The following PDCD6IP variants were observed in gnomAD, a reference collection of about 807,000 sequenced individuals.
PDCD6IP encodes the protein programmed cell death 6-interacting protein.
Under a neutral mutation model 103.7 loss-of-function variants are expected in PDCD6IP, and 43 were observed. That is an observed-to-expected ratio of 0.41 (90% CI 0.32 to 0.53). The LOEUF is 0.53. Among genes scored for constraint, PDCD6IP ranks in the 20% least tolerant of loss-of-function variants. PDCD6IP has a pLI of 0.16. For missense variants in PDCD6IP, 871 were observed against 1,036.7 expected (o/e 0.84, Z 2.20); for synonymous variants, 354 against 378.7 (o/e 0.93, Z 0.76).
intron 7 of PDCD6IP, among the ~76,000 whole-genome samples, chr3:33,830,423 C>G (rs144940786): frequency 1.3e-5 from 2 of 152,216 alleles, no homozygotes; most frequent in African/African-American, 2.4e-5. Context: ...ATAAATCAGT[C>G]AGAGAAAGAA....
chr3:33,831,722 T>C (rs893094029), intron 7 of PDCD6IP, among the ~76,000 whole-genome samples: 68 of 152,036 alleles, frequency 4.5e-4, no homozygotes, highest in Admixed American at 6.6e-4. Flanking sequence ...ATTTCTTGTT[T>C]TTTTTCTTTC....
intron 1 of PDCD6IP, chr3:33,799,206 C>T (rs1051710093): frequency 1.9e-5 from 8 of 430,348 alleles, no homozygotes; most frequent in Admixed American, 1.5e-4. Context: ...GAGCAGCAGT[C>T]TGCCCTGTAC....
chr3:33,822,350 A>G (rs1372588395), intron 4 of PDCD6IP, among the ~76,000 whole-genome samples: 1 of 152,232 alleles, frequency 6.6e-6, no homozygotes, highest in Non-Finnish European at 1.5e-5. Context: ...TGAAGAAATT[A>G]TGAAATGTCT....
chr3:33,866,181 G>A (rs936434496), intron 17 of PDCD6IP, among the ~76,000 whole-genome samples, 170 bp from the exon 18 acceptor site: 1 of 151,982 alleles, frequency 6.6e-6, no homozygotes, highest in Admixed American at 6.6e-5. Context: ...AACAGGATAG[G>A]AATGCTTTTC....
intron 12 of PDCD6IP, 58 bp downstream of exon 12, chr3:33,845,646 A>G: frequency 7.6e-7 from 1 of 1,310,064 alleles, no homozygotes; most frequent in Non-Finnish European, 1.1e-6. Flanking sequence ...CATTCAAGCC[A>G]TTTTATATAA....
chr3:33,834,135 A>G (rs750242559), intron 7 of PDCD6IP, among the ~76,000 whole-genome samples: 1 of 151,580 alleles, frequency 6.6e-6, no homozygotes, highest in Non-Finnish European at 1.5e-5. Context: ...TTTTTAGTTA[A>G]TCTGTCTACT....
intron 12 of PDCD6IP, 49 bp from the exon 13 acceptor site, chr3:33,852,437 CTT>C (rs59048229): frequency 0.011 from 10,811 of 1,027,916 alleles, 1 homozygote; most frequent in Middle Eastern, 0.015. Flanking sequence ...TCGAAATTGG[CTT>C]TTTTTTTTTT....
intron 1 of PDCD6IP, among the ~76,000 whole-genome samples, chr3:33,807,983 T>C (rs1696634609): frequency 6.6e-6 from 1 of 152,252 alleles, no homozygotes; most frequent in African/African-American, 2.4e-5. Context: ...TCTTATGGGC[T>C]TGTTCTTTGA....
intron 9 of PDCD6IP, 24 bp downstream of exon 9, chr3:33,838,351 C>G (rs755236315): frequency 6.3e-7 from 1 of 1,583,198 alleles, no homozygotes; most frequent in Non-Finnish European, 8.6e-7. Context: ...AATTTTAGAG[C>G]CTAAAGTTTT....
At chr3:33,831,258 T>G (rs905078011) in intron 7 of PDCD6IP, among the ~76,000 whole-genome samples, 2 of 151,194 alleles carry the variant, frequency 1.3e-5, no homozygotes, top group East Asian at 2.0e-4. Flanking sequence ...CACACAGATA[T>G]AAAAACATGA....
rs375157355 is a variant in PDCD6IP at position 33,842,041 on chromosome 3, A to G, written c.1326A>G (p.Glu442=). ...ATCAGTTGATTAAAGAACTGCCTGA[A>G]TTACTGCAACGAAATAGAGAAATCC... ...TVDQLIKELP[E]LLQRNREILD... is the part of the protein sequence containing the mutation. Residue 442 remains glutamate (E), a synonymous_variant, in exon 10 of 18, where the codon GAA becomes GAG. Coordinates refer to ENST00000307296, the MANE Select transcript of PDCD6IP (RefSeq NM_013374.6). 1.3e-5 allele frequency: 21 copies of G among 1,613,080 alleles called. No individual in the cohort carries two copies. Among genetic ancestry groups the G allele is most frequent in the Non-Finnish European group, 1.8e-5 (21 of 1,179,436 alleles).
intron 8 of PDCD6IP, 138 bp downstream of exon 8, chr3:33,836,404 T>G: frequency 3.3e-6 from 2 of 606,436 alleles, no homozygotes; most frequent in Non-Finnish European, 6.0e-6. Context: ...AATATGAGAA[T>G]AAATATTGTG....
chr3:33,842,939 TA>T (rs1470554432), intron 10 of PDCD6IP, among the ~76,000 whole-genome samples: 2 of 152,232 alleles, frequency 1.3e-5, no homozygotes, highest in Non-Finnish European at 2.9e-5. Context: ...GATCTGGGTT[TA>T]AGGTGAATTC....
intron 15 of PDCD6IP, among the ~76,000 whole-genome samples, chr3:33,858,128 C>T (rs1575944743): frequency 6.6e-6 from 1 of 152,188 alleles, no homozygotes; most frequent in African/African-American, 2.4e-5. Context: ...CAGTGGCTTT[C>T]ATGTAAATAA....
In PDCD6IP at chr3:33,842,084, A is replaced by G. The variant is rs1309577550; in HGVS notation, c.1359+10A>G. 4.4e-6 allele frequency: 7 copies of G among 1,586,616 alleles called. No individual in the cohort carries two copies. The highest frequency in any genetic ancestry group is 2.2e-5 in the East Asian group (1 of 44,714). On this transcript the variant is annotated intron_variant, in intron 10 of 17. Coordinates refer to ENST00000307296, the MANE Select transcript of PDCD6IP (RefSeq NM_013374.6). ...AGAAATCCTAGATGAGGTATGTTTTATAAGATTTGCTTTTCAAGTATAAAC... is the reference window on the plus strand; with the variant it reads ...AGAAATCCTAGATGAGGTATGTTTTGTAAGATTTGCTTTTCAAGTATAAAC...
Position 33,798,663 on chromosome 3 carries a change from T to G in PDCD6IP, c.-66T>G. ...CGCCAGTCCGCCAGCCCAGTACCTC[T>G]CTCTCCTCGGCCCTCGTAAGCTGTC... On this transcript the variant is annotated 5_prime_UTR_variant, in exon 1 of 18. Transcript: ENST00000307296. 7.2e-7 allele frequency: 1 copy of G among 1,394,850 alleles called. No homozygotes were observed. Among genetic ancestry groups the G allele is most frequent in the South Asian group, 1.4e-5 (1 of 71,060 alleles). The allele number at this position is 1,394,850 out of a possible 1,614,324, so 86.4% of individuals were successfully genotyped here.
intron 17 of PDCD6IP, 127 bp from the exon 18 acceptor site, chr3:33,866,224 T>G: frequency 1.8e-6 from 1 of 548,486 alleles, no homozygotes; most frequent in East Asian, 3.3e-5. Context: ...TTTTTTTCAC[T>G]CCACTGTTCT....
intron 6 of PDCD6IP, chr3:33,827,823 G>A (rs1186894318): frequency 6.6e-6 from 1 of 152,118 alleles, no homozygotes; most frequent in Non-Finnish European, 1.5e-5. Context: ...TTGAAATTTA[G>A]ATGTCTTTTA....
chr3:33,834,372 T>A (rs1697304081), intron 7 of PDCD6IP, among the ~76,000 whole-genome samples: 1 of 152,228 alleles, frequency 6.6e-6, no homozygotes, highest in South Asian at 2.1e-4. Context: ...TACCTACGGT[T>A]CTGGTACTAG....
Sources: allele counts gnomAD v4.1 joint callset (sites outside exome capture counted in the v4.1 genomes callset), GRCh38; gene constraint gnomAD v4.1.1; transcripts MANE v1.5; gene names NCBI Gene and HGNC (gene_info 2026-07-23, HGNC 2026-07-21).